The following SAMMSON variants were observed in gnomAD, a reference collection of about 807,000 sequenced individuals.
SAMMSON encodes long intergenic non-protein coding RNA 1212.
rs182446509 is a variant in SAMMSON, at chr3:70,395,553, C to T, written n.233+37229C>T. Among the ~76,000 whole-genome samples, 101 of 152,034 alleles carry T rather than the reference C, an allele frequency of 6.6e-4. No homozygotes were observed. In the Middle Eastern group the frequency reaches 0.014, roughly 20 times the overall value. ...TTTTGTTGAAAGCACTTTGGCTTTC[C>T]GGTTATTACTCCTGCCACAGTTTTA... On this transcript the variant is annotated intron_variant and non_coding_transcript_variant, in intron 2 of 3. Transcript: ENST00000641053.
rs1486150453 is a variant in SAMMSON at position 70,291,588 on chromosome 3, A to G, written n.739+345A>G. ...GGGACAATATGTTAATACTTAGCACAGTGCTGGGAACATCGGATCCACAAA... is the reference window on the plus strand; with the variant it reads ...GGGACAATATGTTAATACTTAGCACGGTGCTGGGAACATCGGATCCACAAA... On this transcript the variant is annotated intron_variant and non_coding_transcript_variant, in intron 7 of 9. Coordinates refer to ENST00000642114, the Ensembl canonical transcript of SAMMSON. Among the ~76,000 whole-genome samples, 3 of 152,160 alleles carry G rather than the reference A, an allele frequency of 2.0e-5. No individual in the cohort carries two copies. In the East Asian group the frequency reaches 5.8e-4, roughly 29 times the overall value.
chr3:70,040,981 T>A (rs1424780236), intron 3 of SAMMSON, among the ~76,000 whole-genome samples: 1 of 152,140 alleles, frequency 6.6e-6, no homozygotes, highest in Non-Finnish European at 1.5e-5. Context: ...TGAGGAGGAC[T>A]GCTAAACTCT....
intron 4 of SAMMSON, among the ~76,000 whole-genome samples, chr3:70,233,728 T>C (rs1701583260): frequency 6.6e-6 from 1 of 152,238 alleles, no homozygotes; most frequent in African/African-American, 2.4e-5. Context: ...AAATTTCATG[T>C]AAACTGAATC....
intron 4 of SAMMSON, among the ~76,000 whole-genome samples, chr3:70,201,825 A>G (rs1017470013): frequency 2.0e-5 from 3 of 152,102 alleles, no homozygotes; most frequent in African/African-American, 7.2e-5. Context: ...AAGACTGGCA[A>G]AGATCATTTT....
At chr3:70,127,569 G>T (rs759903119) in intron 4 of SAMMSON, 2 of 152,178 alleles carry the variant, frequency 1.3e-5, no homozygotes, top group Admixed American at 6.5e-5. Flanking sequence ...ATAAATGGAA[G>T]CTACTAGGAT....
intron 7 of SAMMSON, among the ~76,000 whole-genome samples, chr3:70,345,210 A>G (rs1326055152): frequency 6.6e-6 from 1 of 152,252 alleles, no homozygotes; most frequent in Non-Finnish European, 1.5e-5. Flanking sequence ...CTAGTTCTCA[A>G]TATTTCTCAC....
intron 3 of SAMMSON, among the ~76,000 whole-genome samples, chr3:70,015,583 AC>A (rs1424972875): frequency 7.2e-5 from 11 of 152,006 alleles, no homozygotes; most frequent in African/African-American, 2.7e-4. Flanking sequence ...TGTTTATTAT[AC>A]TTTAAGTTCT....
chr3:70,377,545 G>T (rs2059062343), intron 9 of SAMMSON, among the ~76,000 whole-genome samples: 1 of 152,010 alleles, frequency 6.6e-6, no homozygotes, highest in Non-Finnish European at 1.5e-5. Context: ...CCTGATAAGA[G>T]AATTTAGAAG....
chr3:70,161,186 CA>C (rs1211478784), intron 4 of SAMMSON, among the ~76,000 whole-genome samples: 1 of 151,946 alleles, frequency 6.6e-6, no homozygotes, highest in Non-Finnish European at 1.5e-5. Flanking sequence ...TATCTAATTG[CA>C]CTGGCTTAAA....
In SAMMSON at chr3:70,009,488, C is replaced by T. The variant is rs1318270555; in HGVS notation, n.23-2869C>T. Reference sequence around the variant, plus strand: ...TCTGTGGGATCGGTGGTGATATCCCCTTTATCATTTTTTATTGCGTCTATT... The same window carrying T: ...TCTGTGGGATCGGTGGTGATATCCCTTTTATCATTTTTTATTGCGTCTATT... On this transcript the variant is annotated intron_variant and non_coding_transcript_variant, in intron 1 of 9. Coordinates refer to ENST00000642114, the Ensembl canonical transcript of SAMMSON. 2.0e-5 allele frequency among the ~76,000 whole-genome samples: 3 copies of T among 152,228 alleles called. No individual in the cohort carries two copies. The East Asian group carries it at 5.8e-4, about 29-fold the overall frequency.
chr3:70,012,016 G>A (rs1008849523), intron 1 of SAMMSON, among the ~76,000 whole-genome samples: 1 of 152,080 alleles, frequency 6.6e-6, no homozygotes, highest in African/African-American at 2.4e-5. Flanking sequence ...AAGAGAAAGG[G>A]ATGGTGTGAA....
intron 9 of SAMMSON, among the ~76,000 whole-genome samples, chr3:70,372,958 A>G (rs1702983940): frequency 6.6e-6 from 1 of 152,148 alleles, no homozygotes; most frequent in African/African-American, 2.4e-5. Flanking sequence ...AATTGTTTTA[A>G]AATCTTCCTA....
chr3:70,230,189 C>T (rs1385723272), intron 4 of SAMMSON, among the ~76,000 whole-genome samples: 3 of 152,144 alleles, frequency 2.0e-5, no homozygotes, highest in Non-Finnish European at 2.9e-5. Context: ...TTTAACAGCA[C>T]ATTGTCTCTT....
At chr3:70,133,171 G>T (rs1274058520) in intron 4 of SAMMSON, among the ~76,000 whole-genome samples, 1 of 152,148 alleles carries the variant, frequency 6.6e-6, no homozygotes, top group African/African-American at 2.4e-5. Context: ...TGCAGGGTGG[G>T]GGCTGGTTTC....
chr3:70,312,591 A>G (rs994442595), intron 7 of SAMMSON: 2 of 152,194 alleles, frequency 1.3e-5, no homozygotes, highest in African/African-American at 2.4e-5. Context: ...GGGACTGGGG[A>G]GCAGTGAGCT....
At chr3:70,323,992 T>C (rs911201516) in intron 7 of SAMMSON, among the ~76,000 whole-genome samples, 1 of 152,096 alleles carries the variant, frequency 6.6e-6, no homozygotes, top group Non-Finnish European at 1.5e-5. Flanking sequence ...AGCCTGTCCA[T>C]GCCATCCTCC....
intron 7 of SAMMSON, among the ~76,000 whole-genome samples, chr3:70,323,984 C>T (rs1589520): frequency 0.61 from 92,044 of 151,774 alleles, 28,328 homozygotes; most frequent in Admixed American, 0.67. Context: ...TGGATTCCAG[C>T]CTGTCCATGC....
chr3:70,351,666 C>G lies in SAMMSON; in HGVS notation n.740-2509C>G, dbSNP rs543682050. 4.0e-4 allele frequency among the ~76,000 whole-genome samples: 57 copies of G among 143,108 alleles called. 1 individual carries two copies. Among genetic ancestry groups the G allele is most frequent in the African/African-American group, 1.4e-3 (53 of 38,366 alleles). The allele number at this position is 143,108 out of a possible 152,430, so 93.9% of individuals were successfully genotyped here. On this transcript the variant is annotated intron_variant and non_coding_transcript_variant, in intron 7 of 9. Coordinates refer to ENST00000642114, the Ensembl canonical transcript of SAMMSON. ...CACTAGCAGCTGAAGAAATTGGTCACTCAGAAATGCTAATGAGCACAGATA... is the reference window on the plus strand; with the variant it reads ...CACTAGCAGCTGAAGAAATTGGTCAGTCAGAAATGCTAATGAGCACAGATA...
intron 7 of SAMMSON, among the ~76,000 whole-genome samples, chr3:70,349,588 A>G (rs775833044): frequency 6.6e-6 from 1 of 152,294 alleles, no homozygotes; most frequent in African/African-American, 2.4e-5. Flanking sequence ...AGGAGGAAAA[A>G]TAACTTTCTA....
Sources: allele counts gnomAD v4.1 joint callset (sites outside exome capture counted in the v4.1 genomes callset), GRCh38; gene constraint gnomAD v4.1.1; transcripts MANE v1.5; gene names NCBI Gene and HGNC (gene_info 2026-07-23, HGNC 2026-07-21).